ART4: variants seen among roughly 807,000 people sequenced by gnomAD.
The protein encoded by ART4 is ecto-ADP-ribosyltransferase 4.
A neutral mutation model predicts 24.2 loss-of-function variants in ART4; 14 were observed. The observed-to-expected ratio is 0.58, with a 90% CI of 0.38 to 0.90. The LOEUF (loss-of-function observed/expected upper bound fraction) is 0.90. Among genes scored for constraint, ART4 ranks in the 40% least tolerant of loss-of-function variants. The pLI is 0.00. For synonymous variants in ART4, 145 were observed against 139.9 expected, an observed-to-expected ratio of 1.04 and a Z score of -0.26; for missense variants, 356 against 366.6, an observed-to-expected ratio of 0.97 and a Z score of 0.24.
intron 2 of ART4, among the ~76,000 whole-genome samples, chr12:14,831,568 CCAT>C (rs1455295181): frequency 6.6e-6 from 1 of 151,966 alleles, no homozygotes; most frequent in Non-Finnish European, 1.5e-5. Context: ...CCTGGCCTCT[CCAT>C]CTTCTTTGTA....
rs1290361461 is a variant in ART4, at chr12:14,829,409, A to T, written c.907T>A (p.Leu303Met). 1.9e-6 allele frequency: 3 copies of T among 1,608,950 alleles called. No individual in the cohort carries two copies. Among genetic ancestry groups the T allele is most frequent in the Non-Finnish European group, 2.5e-6 (3 of 1,178,182 alleles). ...DPIAIASLSF[L>M]TSVIIFSKSR... Reference sequence around the variant, plus strand: ...TTGGAAAAGATGATGACACTGGTCAAAAAGGAGAGAGATGCAATAGCTATA... The same window carrying T: ...TTGGAAAAGATGATGACACTGGTCATAAAGGAGAGAGATGCAATAGCTATA... Residue 303 changes from leucine (L) to methionine (M), a missense_variant, in exon 3 of 3, where the codon TTG becomes ATG. Physicochemically the swap from Leu to Met is conservative, Grantham distance 15. Coordinates refer to ENST00000228936, the MANE Select transcript of ART4 (RefSeq NM_021071.4).
intron 1 of ART4, among the ~76,000 whole-genome samples, chr12:14,841,606 G>T (rs1863053498): frequency 1.3e-5 from 2 of 152,140 alleles, no homozygotes. Flanking sequence ...GCTATGAATA[G>T]TACTAAGGGG....
chr12:14,826,314 C>G lies in ART4; in HGVS notation c.*3057G>C, dbSNP rs1662063627. On this transcript the variant is annotated 3_prime_UTR_variant, in exon 3 of 3. Coordinates refer to ENST00000228936, the MANE Select transcript of ART4 (RefSeq NM_021071.4). ...TAGTTTCTGTCTCCAGAGATTTGAT[C>G]TGTAAAACAGCAGCAGGAGTTAGAA... 1 of 152,190 alleles carries G rather than the reference C, an allele frequency of 6.6e-6. No individual in the cohort carries two copies. The highest frequency in any genetic ancestry group is 2.4e-5 in the African/African-American group (1 of 41,450). The allele number at this position is 152,190 out of a possible 1,614,324, so 9.4% of individuals were successfully genotyped here.
At chr12:14,832,510 C>T (rs1950403623) in intron 2 of ART4, among the ~76,000 whole-genome samples, 1 of 152,108 alleles carries the variant, frequency 6.6e-6, no homozygotes, top group African/African-American at 2.4e-5. Context: ...TAGTATGTAC[C>T]ACCTACTAAC....
intron 2 of ART4, 50 bp from the exon 3 acceptor site, chr12:14,829,512 A>T (rs768470158): frequency 3.0e-6 from 4 of 1,316,754 alleles, no homozygotes; most frequent in East Asian, 2.4e-5. Context: ...AGTTTTTTTT[A>T]AAACTACCTC....
At chr12:14,832,087 T>G (rs963175175) in intron 2 of ART4, among the ~76,000 whole-genome samples, 1 of 152,082 alleles carries the variant, frequency 6.6e-6, no homozygotes, top group African/African-American at 2.4e-5. Flanking sequence ...CTCATTACAG[T>G]TTATCCTCTA....
intron 2 of ART4, 180 bp downstream of exon 2, chr12:14,840,265 T>C: frequency 1.8e-6 from 1 of 565,688 alleles, no homozygotes. Context: ...GGTAATGGAG[T>C]AGGAAGAAAA....
At position 14,841,887 on chromosome 12, in the gene ART4, A is replaced by C. The variant is rs571029678; in HGVS notation, c.145-734T>G. The stretch of plus-strand genomic sequence containing the variant: ...ACTGATGCCCTTTGCCATCAGGCTA[A>C]CTCCCAGGAGGATGAAGAGCAGAGC... On this transcript the variant is annotated intron_variant, in intron 1 of 2. Transcript: ENST00000228936. Among the ~76,000 whole-genome samples, 7 of 152,248 alleles carry C rather than the reference A, an allele frequency of 4.6e-5. No homozygotes were observed. In the South Asian group the frequency reaches 1.5e-3, roughly 32 times the overall value.
chr12:14,840,616 T>C lies in ART4; in HGVS notation c.682A>G (p.Ile228Val). Residue 228 changes from isoleucine to valine, a missense_variant, in exon 2 of 3, where the codon ATA (isoleucine) becomes GTA (valine). By Grantham distance (29) the Ile-to-Val change is conservative. Transcript: ENST00000228936. ...QEFGNQTLFT[I>V]FTCLGAPVQY... ...ACAGGTGCACCCAGGCAGGTGAATATGGTAAATAGTGTCTGGTTCCCAAAC... is the reference window on the plus strand; with the variant it reads ...ACAGGTGCACCCAGGCAGGTGAATACGGTAAATAGTGTCTGGTTCCCAAAC... 2 of 1,614,104 alleles carry C rather than the reference T, an allele frequency of 1.2e-6. No individual in the cohort carries two copies. Among genetic ancestry groups the C allele is most frequent in the Non-Finnish European group, 1.7e-6 (2 of 1,180,026 alleles).
intron 2 of ART4, among the ~76,000 whole-genome samples, chr12:14,837,680 C>G (rs1950440131): frequency 6.6e-6 from 1 of 151,924 alleles, no homozygotes; most frequent in African/African-American, 2.4e-5. Context: ...TACCTGGCTA[C>G]TTTTTGTATC....
In ART4 at chr12:14,829,245, T is replaced by A; in HGVS notation, c.*126A>T. ...AATTAGCAAAGAGGAGGCCATGCAC[T>A]GGTTTCAGCAGAAGTATGATGGGAT... On this transcript the variant is annotated 3_prime_UTR_variant, in exon 3 of 3. Transcript: ENST00000228936. 1.6e-6 allele frequency: 1 copy of A among 627,348 alleles called. No homozygotes were observed. Among genetic ancestry groups the A allele is most frequent in the Non-Finnish European group, 2.6e-6 (1 of 388,248 alleles). The allele number at this position is 627,348 out of a possible 1,614,324, so 38.9% of individuals were successfully genotyped here. A position where few individuals can be genotyped will look rare whatever the true frequency, so the allele number is the denominator to read the frequency against.
Position 14,840,746 on chromosome 12 carries a change from C to G in ART4, c.552G>C (p.Glu184Asp). 6.2e-7 allele frequency: 1 copy of G among 1,614,122 alleles called. No homozygotes were observed. Among genetic ancestry groups the G allele is most frequent in the Non-Finnish European group, 8.5e-7 (1 of 1,180,028 alleles). The change falls in exon 2 of 3, where the codon GAG becomes GAC. Residue 184 changes from glutamate to aspartate, a missense_variant. Physicochemically the swap from Glu to Asp is conservative, Grantham distance 45. Transcript: ENST00000228936. ...GGACATCCTTCGTCCTATAATGCAC[C>G]TCATAGCACAGAGTGCCATTCTCCA... ...SIMENGTLCY[E>D]VHYRTKDVHF...
At position 14,842,948 on chromosome 12, in the gene ART4, A is replaced by G. The variant is rs28362793; in HGVS notation, c.144+22T>C. 1,733 of 1,601,426 alleles carry G rather than the reference A, an allele frequency of 1.1e-3. 14 individuals carry two copies. In the Middle Eastern group the frequency reaches 0.014, roughly 13 times the overall value. The stretch of plus-strand genomic sequence containing the variant: ...TTGGAGCACTGATCATAAAGAGATC[A>G]CCCCCTCAATTGTCCCCCTACCTCA... On this transcript the variant is annotated intron_variant, in intron 1 of 2. Coordinates refer to ENST00000228936, the MANE Select transcript of ART4 (RefSeq NM_021071.4).
At chr12:14,838,899 C>CT (rs35828014) in intron 2 of ART4, among the ~76,000 whole-genome samples, 47,389 of 140,376 alleles carry the variant, frequency 0.34, 8,328 homozygotes, top group Middle Eastern at 0.42. Flanking sequence ...TATGAACAGT[C>CT]TTTTTTTTTT....
chr12:14,830,651 A>G (rs560282294), intron 2 of ART4, among the ~76,000 whole-genome samples: 2,673 of 11,614 alleles, frequency 0.23, 86 homozygotes, highest in African/African-American at 0.31. Flanking sequence ...GTATGTATGT[A>G]TATATATATA....
chr12:14,831,665 C>A (rs998670969), intron 2 of ART4, among the ~76,000 whole-genome samples: 4 of 152,006 alleles, frequency 2.6e-5, no homozygotes, highest in African/African-American at 9.7e-5. Context: ...GTGGGGAGCT[C>A]ATCCAGTCTC....
Position 14,840,631 on chromosome 12 carries a change from G to T in ART4, c.667C>A (p.Gln223Lys). 4 of 1,614,134 alleles carry T rather than the reference G, an allele frequency of 2.5e-6. No individual in the cohort carries two copies. The highest frequency in any genetic ancestry group is 3.4e-6 in the Non-Finnish European group (4 of 1,180,026). Residue 223 changes from glutamine (Q) to lysine (K), a missense_variant, in exon 2 of 3, where the codon CAG (glutamine) becomes AAG (lysine). Transcript: ENST00000228936. ...LKEEAQEFGN[Q>K]TLFTIFTCLG... ...CAGGTGAATATGGTAAATAGTGTCT[G>T]GTTCCCAAACTCCTGTGCCTCTTCT...
rs1484857945 is a variant in ART4, at chr12:14,841,996, G to T, written c.145-843C>A. Among the ~76,000 whole-genome samples, 6 of 152,284 alleles carry T rather than the reference G, an allele frequency of 3.9e-5. No homozygotes were observed. The East Asian group carries it at 9.6e-4, about 24-fold the overall frequency. ...CTCAGGGACAGCAGAGTGAGTCAAG[G>T]GTTGGACAGTGGTCAGGAATGTGCC... On this transcript the variant is annotated intron_variant, in intron 1 of 2. Transcript: ENST00000228936.
intron 2 of ART4, among the ~76,000 whole-genome samples, chr12:14,833,932 CTCT>C (rs1225784040): frequency 1.3e-5 from 2 of 152,194 alleles, no homozygotes; most frequent in Non-Finnish European, 2.9e-5. Flanking sequence ...TCCTTTGTTT[CTCT>C]TCTTACTATC....
Sources: allele counts gnomAD v4.1 joint callset (sites outside exome capture counted in the v4.1 genomes callset), GRCh38; gene constraint gnomAD v4.1.1; transcripts MANE v1.5; gene names NCBI Gene and HGNC (gene_info 2026-07-23, HGNC 2026-07-21).